Variants in CNTNAP5 observed in about 807,000 individuals in gnomAD.
CNTNAP5 encodes contactin-associated protein-like 5.
Under a neutral mutation model 150.2 loss-of-function variants are expected in CNTNAP5, and 72 were observed. The observed-to-expected ratio is 0.48, with a 90% confidence interval of 0.40 to 0.58. The LOEUF (loss-of-function observed/expected upper bound fraction) is 0.58. Ranked by LOEUF, CNTNAP5 falls within the 20% of genes least tolerant of loss-of-function variation. The pLI, the probability that CNTNAP5 is intolerant of heterozygous loss-of-function variation, is 0.00. For synonymous variants in CNTNAP5, 672 were observed against 619.8 expected (o/e 1.08, Z -1.25); for missense variants, 1,636 against 1,626.2 (o/e 1.01, Z -0.10).
chr2:124,410,197 C>T (rs370134928), intron 3 of CNTNAP5, among the ~76,000 whole-genome samples: 4 of 146,938 alleles, frequency 2.7e-5, no homozygotes, highest in African/African-American at 7.6e-5. Flanking sequence ...AATATATATG[C>T]ACCCAATACA....
At chr2:124,772,526 A>AT (rs1398794234) in intron 16 of CNTNAP5, among the ~76,000 whole-genome samples, 49 of 152,280 alleles carry the variant, frequency 3.2e-4, no homozygotes, top group Middle Eastern at 3.4e-3. Flanking sequence ...GGGCCTCGGC[A>AT]TTCATGCAGG....
chr2:124,066,751 C>G (rs543034592), intron 1 of CNTNAP5, among the ~76,000 whole-genome samples: 1 of 152,072 alleles, frequency 6.6e-6, no homozygotes, highest in Non-Finnish European at 1.5e-5. Context: ...AAACCCACTA[C>G]CTATGGAAAA....
chr2:124,441,299 G>T (rs1297213816), intron 5 of CNTNAP5, among the ~76,000 whole-genome samples: 1 of 151,910 alleles, frequency 6.6e-6, no homozygotes, highest in Non-Finnish European at 1.5e-5. Context: ...AATATACTAT[G>T]CAGCGTGAGG....
intron 11 of CNTNAP5, among the ~76,000 whole-genome samples, chr2:124,600,764 AGAGAAAGAGAG>A (rs1696969315): frequency 8.8e-6 from 1 of 113,478 alleles, no homozygotes; most frequent in Non-Finnish European, 2.0e-5. Context: ...AGAGAGAGAG[AGAGAAAGAGAG>A]AGAAAGAGAG....
chr2:124,464,227 G>A (rs1437291128), intron 6 of CNTNAP5, among the ~76,000 whole-genome samples: 1 of 152,054 alleles, frequency 6.6e-6, no homozygotes, highest in Admixed American at 6.6e-5. Flanking sequence ...GGACATGGAT[G>A]AAGCAAGGGA....
chr2:124,826,790 C>T (rs927385888), intron 19 of CNTNAP5, among the ~76,000 whole-genome samples: 5 of 152,138 alleles, frequency 3.3e-5, no homozygotes, highest in East Asian at 1.9e-4. Context: ...CCTGAGATAG[C>T]GCTCACCTGA....
At chr2:124,209,000 G>A (rs966550657) in intron 1 of CNTNAP5, among the ~76,000 whole-genome samples, 14 of 152,050 alleles carry the variant, frequency 9.2e-5, no homozygotes, top group African/African-American at 2.9e-4. Context: ...ATTTTCCATG[G>A]AGGAATACTA....
chr2:124,171,709 G>A (rs2104665071), intron 1 of CNTNAP5, among the ~76,000 whole-genome samples: 1 of 152,328 alleles, frequency 6.6e-6, no homozygotes, highest in East Asian at 1.9e-4. Flanking sequence ...ATTCAGTAAA[G>A]GCCAAGCTTT....
chr2:124,319,697 A>G (rs1320438238), intron 3 of CNTNAP5, among the ~76,000 whole-genome samples: 1 of 152,152 alleles, frequency 6.6e-6, no homozygotes, highest in African/African-American at 2.4e-5. Context: ...GCAAGCTGGT[A>G]TATTGCAGGA....
chr2:124,517,941 G>A (rs1694765802), intron 8 of CNTNAP5, among the ~76,000 whole-genome samples: 1 of 151,770 alleles, frequency 6.6e-6, no homozygotes, highest in Non-Finnish European at 1.5e-5. Context: ...GGAGGGTGAT[G>A]ATGTTTATAA....
At chr2:124,733,512 G>A (rs796073318) in intron 13 of CNTNAP5, among the ~76,000 whole-genome samples, 12 of 152,046 alleles carry the variant, frequency 7.9e-5, no homozygotes, top group African/African-American at 2.9e-4. Context: ...AAAGAATTAT[G>A]TTAGCAGAAA....
chr2:124,213,117 C>T (rs895509532), intron 1 of CNTNAP5, among the ~76,000 whole-genome samples: 1 of 152,070 alleles, frequency 6.6e-6, no homozygotes, highest in Non-Finnish European at 1.5e-5. Flanking sequence ...GGATTACAGG[C>T]GGGAGCCACC....
At chr2:124,460,889 G>T (rs140014721) in intron 6 of CNTNAP5, among the ~76,000 whole-genome samples, 2 of 152,216 alleles carry the variant, frequency 1.3e-5, no homozygotes, top group South Asian at 2.1e-4. Flanking sequence ...AAATTCAGTT[G>T]CAGGGTTAAA....
intron 13 of CNTNAP5, among the ~76,000 whole-genome samples, chr2:124,706,961 G>A (rs374366917): frequency 1.8e-4 from 13 of 72,678 alleles, no homozygotes; most frequent in Non-Finnish European, 2.4e-4. Flanking sequence ...GGAGGAGGAG[G>A]AGGAGAAGAG....
intron 11 of CNTNAP5, among the ~76,000 whole-genome samples, chr2:124,584,574 C>A (rs948099860): frequency 6.6e-6 from 1 of 152,116 alleles, no homozygotes; most frequent in African/African-American, 2.4e-5. Context: ...CGTAAAATAT[C>A]CTTCTCACAG....
intron 1 of CNTNAP5, among the ~76,000 whole-genome samples, chr2:124,068,531 C>A (rs113266053): frequency 6.6e-6 from 1 of 151,914 alleles, no homozygotes; most frequent in African/African-American, 2.4e-5. Flanking sequence ...AACTAGGACA[C>A]AGGAATGGCA....
intron 13 of CNTNAP5, among the ~76,000 whole-genome samples, chr2:124,651,456 A>G (rs1278199723): frequency 1.3e-5 from 2 of 152,178 alleles, no homozygotes; most frequent in African/African-American, 4.8e-5. Flanking sequence ...AGCTACTGGA[A>G]TTATCTCTAA....
At chr2:124,464,017 C>A (rs921131788) in intron 6 of CNTNAP5, among the ~76,000 whole-genome samples, 1 of 152,108 alleles carries the variant, frequency 6.6e-6, no homozygotes, top group Non-Finnish European at 1.5e-5. Flanking sequence ...CAGCTCTAAG[C>A]ATGGTGCCCG....
At chr2:124,292,222 T>C (rs1688313623) in intron 3 of CNTNAP5, among the ~76,000 whole-genome samples, 1 of 152,130 alleles carries the variant, frequency 6.6e-6, no homozygotes, top group Non-Finnish European at 1.5e-5. Flanking sequence ...TGAGAACATT[T>C]CCCAGTATCT....
Sources: gnomAD v4.1 joint callset for allele counts (sites outside exome capture counted in the v4.1 genomes callset) on GRCh38, gnomAD v4.1.1 for gene constraint, MANE v1.5 for transcripts, NCBI Gene and HGNC (gene_info 2026-07-23, HGNC 2026-07-21) for gene names.